CLDN14: variants seen among roughly 807,000 people sequenced by gnomAD.
The protein encoded by CLDN14 is claudin 14, also known as claudin-14.
Under a neutral mutation model 2.1 loss-of-function variants are expected in CLDN14, and 2 were observed. The ratio of observed to expected loss-of-function variants is 0.96; its 90% CI spans 0.39 to 3.01. The LOEUF (loss-of-function observed/expected upper bound fraction) is 3.01. CLDN14 is among the 30% of genes most tolerant of loss of function. The pLI, the probability that CLDN14 is intolerant of heterozygous loss-of-function variation, is 0.09. For missense variants in CLDN14, 298 were observed against 328.0 expected (o/e 0.91, Z 0.71); for synonymous variants, 136 against 154.4 (o/e 0.88, Z 0.88).
In CLDN14 at chr21:36,544,842, C is replaced by A. The variant is rs2087516592; in HGVS notation, c.-220+31569G>T. On this transcript the variant is annotated intron_variant, in intron 1 of 2. Transcript: ENST00000342108. The surrounding 1 kb of genome is among the most constrained non-coding windows in gnomAD (Gnocchi z 4.1). ...AACCATGTGAAAACAATTAGGACGA[C>A]AAATTTACTAATTGCTGAAAGTAAC... Among the ~76,000 whole-genome samples the A allele has an allele frequency of 6.6e-6, 1 of 152,200 alleles. No individual in the cohort carries two copies. Among genetic ancestry groups the A allele is most frequent in the African/African-American group, 2.4e-5 (1 of 41,442 alleles).
intron 1 of CLDN14, among the ~76,000 whole-genome samples, chr21:36,543,254 A>G (rs1261371933): frequency 6.6e-6 from 1 of 152,220 alleles, no homozygotes; most frequent in African/African-American, 2.4e-5. Flanking sequence ...CCTCCAACAG[A>G]TATTTATTGA....
rs920191385 is a variant in CLDN14, at chr21:36,461,286, G to C, written c.410C>G (p.Ser137Cys). 1 of 1,613,784 alleles carries C rather than the reference G, an allele frequency of 6.2e-7. No homozygotes were observed. The highest frequency in any genetic ancestry group is 8.5e-7 in the Non-Finnish European group (1 of 1,180,012). The change falls in exon 2 of 2, where the codon TCC (serine) becomes TGC (cysteine). Residue 137 changes from serine (S) to cysteine (C), a missense_variant. By Grantham distance (112) the Ser-to-Cys change is moderately radical (BLOSUM62 -1). Transcript: ENST00000399135. The stretch of plus-strand genomic sequence containing the variant: ...CTGCACCACGTCGTTGGTGGTCCAG[G>C]AGACGGCCACCATGCACAGGAGGCC... ...LAGLLCMVAVSWTTNDVVQNF... is the reference protein window; with the variant it reads ...LAGLLCMVAVCWTTNDVVQNF...
At chr21:36,480,179 G>C (rs562174866), upstream of CLDN14, 1 of 152,282 alleles carries the variant, frequency 6.6e-6, no homozygotes, top group East Asian at 1.9e-4. Context: ...ATGCATGCTG[G>C]TCGATTCTGA....
chr21:36,570,483 G>T (rs1387482390), intron 1 of CLDN14, among the ~76,000 whole-genome samples: 1 of 152,112 alleles, frequency 6.6e-6, no homozygotes, highest in African/African-American at 2.4e-5. Context: ...GATGGTTGAG[G>T]GGTACTTAAA....
At chr21:36,561,601 CA>C (rs1568882104) in intron 1 of CLDN14, among the ~76,000 whole-genome samples, 1 of 152,210 alleles carries the variant, frequency 6.6e-6, no homozygotes. Context: ...CTTGGTTTCT[CA>C]GAGGTCCTCT....
intron 1 of CLDN14, among the ~76,000 whole-genome samples, chr21:36,561,212 G>A (rs2087632573): frequency 6.6e-6 from 1 of 152,180 alleles, no homozygotes; most frequent in Non-Finnish European, 1.5e-5. Flanking sequence ...CAGTGTCTGG[G>A]CCTGTGGAGG....
intron 2 of CLDN14, among the ~76,000 whole-genome samples, chr21:36,497,494 C>G (rs891781639): frequency 1.3e-4 from 19 of 151,244 alleles, no homozygotes; most frequent in Non-Finnish European, 1.5e-4. Context: ...GGTCTGTTTT[C>G]TTTTCCCTTC....
At chr21:36,485,483 A>G (rs573289650) in intron 2 of CLDN14, among the ~76,000 whole-genome samples, 1 of 152,350 alleles carries the variant, frequency 6.6e-6, no homozygotes, top group African/African-American at 2.4e-5. Flanking sequence ...TGTTGATATT[A>G]CAGGCGTGAG....
At chr21:36,533,198 C>T (rs934097702) in intron 1 of CLDN14, among the ~76,000 whole-genome samples, 4 of 152,168 alleles carry the variant, frequency 2.6e-5, no homozygotes, top group Non-Finnish European at 5.9e-5. Context: ...GCCTTCCCTC[C>T]GCAAGTGTGG....
Position 36,461,279 on chromosome 21 carries a change from G to A in CLDN14, c.417C>T (p.Thr139=), listed in dbSNP as rs2086567453. Residue 139 remains threonine (T), a synonymous_variant, in exon 2 of 2, where the codon ACC becomes ACT. Transcript: ENST00000399135. Reference sequence around the variant, plus strand: ...AGAAGTTCTGCACCACGTCGTTGGTGGTCCAGGAGACGGCCACCATGCACA... The same window carrying A: ...AGAAGTTCTGCACCACGTCGTTGGTAGTCCAGGAGACGGCCACCATGCACA... ...GLLCMVAVSW[T]TNDVVQNFYN... is the part of the protein sequence containing the mutation. 6.2e-7 allele frequency: 1 copy of A among 1,613,838 alleles called. No individual in the cohort carries two copies. The highest frequency in any genetic ancestry group is 1.1e-5 in the South Asian group (1 of 91,088).
upstream of CLDN14, among the ~76,000 whole-genome samples, chr21:36,481,580 A>G (rs1200549759): frequency 2.0e-5 from 3 of 152,206 alleles, no homozygotes; most frequent in Non-Finnish European, 4.4e-5. Context: ...AAATATTATG[A>G]TAGTTTTTAG....
At chr21:36,494,576 G>A (rs1697526208) in intron 2 of CLDN14, among the ~76,000 whole-genome samples, 2 of 152,214 alleles carry the variant, frequency 1.3e-5, no homozygotes, top group African/African-American at 4.8e-5. Context: ...TGGAGATGGA[G>A]TGTACAAAGA....
intron 1 of CLDN14, among the ~76,000 whole-genome samples, chr21:36,553,882 T>C (rs1250840997): frequency 6.6e-6 from 1 of 152,216 alleles, no homozygotes; most frequent in Non-Finnish European, 1.5e-5. Flanking sequence ...AATCGCCATG[T>C]TGACTCTGTT....
rs960450610 is a variant in CLDN14, at chr21:36,479,733, T to G, written c.-320A>C. On this transcript the variant is annotated 5_prime_UTR_variant, in exon 1 of 2. Transcript: ENST00000399135. The stretch of plus-strand genomic sequence containing the variant: ...TGCGTGGGCACACGTGCCACTTGGT[T>G]AGCTAGCATGAGAGGAGGTGGCTTG... The G allele has an allele frequency of 2.0e-5, 3 of 152,252 alleles. No individual in the cohort carries two copies. The highest frequency in any genetic ancestry group is 7.2e-5 in the African/African-American group (3 of 41,462). 9.4% of individuals were successfully genotyped at this position (152,252 alleles called of 1,614,324 possible).
chr21:36,470,593 C>G (rs528903845), intron 1 of CLDN14, among the ~76,000 whole-genome samples: 1 of 152,310 alleles, frequency 6.6e-6, no homozygotes, highest in African/African-American at 2.4e-5. Context: ...TCTGTTGTTT[C>G]AGGCCTCCCA....
chr21:36,463,993 GTTTGGA>G (rs2086613297), intron 1 of CLDN14, among the ~76,000 whole-genome samples: 1 of 152,218 alleles, frequency 6.6e-6, no homozygotes, highest in African/African-American at 2.4e-5. Context: ...AGGTGATAGG[GTTTGGA>G]TTTGTGTCCC....
chr21:36,574,179 T>G (rs2087726971), intron 1 of CLDN14, among the ~76,000 whole-genome samples: 1 of 152,204 alleles, frequency 6.6e-6, no homozygotes, highest in Non-Finnish European at 1.5e-5. Context: ...GTAGTCAAGA[T>G]AGTAGGGTAC....
intron 1 of CLDN14, among the ~76,000 whole-genome samples, chr21:36,540,580 C>T (rs539948175): frequency 6.6e-6 from 1 of 152,214 alleles, no homozygotes; most frequent in Admixed American, 6.5e-5. Flanking sequence ...CCCACTCGTT[C>T]CTGCCAGGAC....
chr21:36,481,361 G>T (rs570531455), upstream of CLDN14, among the ~76,000 whole-genome samples: 3 of 152,042 alleles, frequency 2.0e-5, no homozygotes, highest in African/African-American at 7.2e-5. Flanking sequence ...GAATATATAG[G>T]GGTACCAGCA....
Sources: allele counts gnomAD v4.1 joint callset (sites outside exome capture counted in the v4.1 genomes callset), GRCh38; gene constraint gnomAD v4.1.1; non-coding constraint Gnocchi (gnomAD v3.1); transcripts MANE v1.5; gene names NCBI Gene and HGNC (gene_info 2026-07-23, HGNC 2026-07-21).